SEPTIN9: variants seen among roughly 807,000 people sequenced by gnomAD.
SEPTIN9 encodes septin 9, also known as septin-9.
SEPTIN9 carries 13 observed loss-of-function variants against 56.6 expected under a neutral mutation model. The ratio of observed to expected loss-of-function variants is 0.23; its 90% CI spans 0.15 to 0.37. The LOEUF (loss-of-function observed/expected upper bound fraction) is 0.37, where lower values mean the gene tolerates loss of function less well. SEPTIN9 is among the 10% of genes least tolerant of loss of function. The probability of loss-of-function intolerance (pLI) is 1.00; values close to 1 mark genes in which losing one functional copy is unlikely to be tolerated. For synonymous variants in SEPTIN9, 332 were observed against 334.1 expected (o/e 0.99, Z 0.07); for missense variants, 650 against 823.1 (o/e 0.79, Z 2.57).
chr17:77,420,576 G>C (rs2036663147), intron 3 of SEPTIN9, among the ~76,000 whole-genome samples: 1 of 152,162 alleles, frequency 6.6e-6, no homozygotes, highest in Non-Finnish European at 1.5e-5. Flanking sequence ...AGTGGGGAGA[G>C]CCTGAGCTGT....
chr17:77,379,333 G>C (rs552195318), intron 2 of SEPTIN9, among the ~76,000 whole-genome samples: 28 of 151,990 alleles, frequency 1.8e-4, no homozygotes, highest in African/African-American at 6.8e-4. Context: ...TCACCACGGT[G>C]CCCGGTACAC....
At chr17:77,303,135 C>G (rs754783734) in intron 1 of SEPTIN9, among the ~76,000 whole-genome samples, 6 of 151,914 alleles carry the variant, frequency 3.9e-5, no homozygotes, top group Non-Finnish European at 5.9e-5. Flanking sequence ...GAGTCTTGCT[C>G]TGTCGCCCAG....
intron 2 of SEPTIN9, among the ~76,000 whole-genome samples, chr17:77,361,427 C>T (rs1242579533): frequency 6.6e-6 from 1 of 152,138 alleles, no homozygotes; most frequent in Non-Finnish European, 1.5e-5. Context: ...GTGGGAATCA[C>T]AGAGCTTGCT....
chr17:77,330,701 C>T lies in SEPTIN9; in HGVS notation c.76+23504C>T, dbSNP rs1420290859. 2.0e-5 allele frequency among the ~76,000 whole-genome samples: 3 copies of T among 152,254 alleles called. No individual in the cohort carries two copies. The highest frequency in any genetic ancestry group is 2.9e-5 in the Non-Finnish European group (2 of 68,044). On this transcript the variant is annotated intron_variant, in intron 2 of 11. Transcript: ENST00000427177. The surrounding 1 kb of genome is among the most constrained non-coding windows in gnomAD (Gnocchi z 4.4). ...AGCCTCGCTTGCCTCTCAGAGAGCA[C>T]ATGGCTTGACCATCACGGGGACTGG...
rs554692276 is a variant in SEPTIN9 at position 77,314,167 on chromosome 17, T to C, written c.76+6970T>C. Among the ~76,000 whole-genome samples the C allele has an allele frequency of 1.1e-3, 160 of 148,958 alleles. 1 individual carries two copies. The highest frequency in any genetic ancestry group is 3.8e-3 in the African/African-American group (153 of 40,366). Reference sequence around the variant, plus strand: ...CTGGGCAAAGGGAGTAAGGCCCTGTTTCAAAAAAAAAAATTTTTTTTTTTT... The same window carrying C: ...CTGGGCAAAGGGAGTAAGGCCCTGTCTCAAAAAAAAAAATTTTTTTTTTTT... On this transcript the variant is annotated intron_variant, in intron 2 of 11. Transcript: ENST00000427177.
chr17:77,482,845 G>C, intron 4 of SEPTIN9: 1 of 449,696 alleles, frequency 2.2e-6, no homozygotes, highest in Admixed American at 3.6e-5. Context: ...TCGTCGATCA[G>C]CACGACCTGG....
chr17:77,306,455 G>A (rs1380387798), intron 1 of SEPTIN9, among the ~76,000 whole-genome samples: 1 of 152,242 alleles, frequency 6.6e-6, no homozygotes, highest in Non-Finnish European at 1.5e-5. Flanking sequence ...CTCGAGTTAG[G>A]ACTTGCCTGC....
intron 2 of SEPTIN9, among the ~76,000 whole-genome samples, chr17:77,347,266 T>TA (rs1188584655): frequency 1.3e-5 from 2 of 151,696 alleles, no homozygotes; most frequent in Non-Finnish European, 2.9e-5. Flanking sequence ...TAATCCCAGC[T>TA]ACTCGGGAGG....
rs1288684238 is a variant in SEPTIN9 at position 77,445,268 on chromosome 17, C to T, written c.722-36876C>T. 4.3e-6 allele frequency: 2 copies of T among 469,284 alleles called. No individual in the cohort carries two copies. The highest frequency in any genetic ancestry group is 1.5e-5 in the South Asian group (1 of 64,572). The allele number at this position is 469,284 out of a possible 1,614,324, so 29.1% of individuals were successfully genotyped here. On this transcript the variant is annotated intron_variant, in intron 3 of 11. Transcript: ENST00000427177. The surrounding 1 kb of genome is among the most constrained non-coding windows in gnomAD (Gnocchi z 4.7). ...ACCAGCCCTCAGAACCACATTCCTG[C>T]TCCCCAGCCCTTTCCTCCGCACCCC... is the stretch of plus-strand genomic sequence containing the variant.
rs796781884 is a variant in SEPTIN9 at position 77,450,888 on chromosome 17, C to T, written c.722-31256C>T. 11 of 837,898 alleles carry T rather than the reference C, an allele frequency of 1.3e-5. No homozygotes were observed. The African/African-American group carries it at 1.8e-4, about 14-fold the overall frequency. The allele number at this position is 837,898 out of a possible 1,614,324, so 51.9% of individuals were successfully genotyped here. On this transcript the variant is annotated intron_variant, in intron 3 of 11. Transcript: ENST00000427177. This position sits in a 1 kb window ranked among gnomAD's most constrained non-coding sequence, Gnocchi z 6.0. ...GGGTAGAGGGGACAAACCCAGGTGG[C>T]TGTGTTCCAGCCCTGGCTGCAGGTC... is the stretch of plus-strand genomic sequence containing the variant.
chr17:77,283,160 CTTT>C (rs33965677), intron 1 of SEPTIN9, among the ~76,000 whole-genome samples: 3 of 132,358 alleles, frequency 2.3e-5, no homozygotes, highest in African/African-American at 8.6e-5. Flanking sequence ...CACTGGGTTT[CTTT>C]TTTTTTTTTT....
In SEPTIN9 at chr17:77,488,671, C is replaced by T. The variant is rs1025625387; in HGVS notation, c.1125-56C>T. On this transcript the variant is annotated intron_variant, in intron 6 of 11. Transcript: ENST00000427177. Reference sequence around the variant, plus strand: ...GGCTCTGAGTCCTGGGAATGCACGACCTGCTTGGGGAGGGCATCTCATGTG... The same window carrying T: ...GGCTCTGAGTCCTGGGAATGCACGATCTGCTTGGGGAGGGCATCTCATGTG... 9 of 1,609,396 alleles carry T rather than the reference C, an allele frequency of 5.6e-6. No homozygotes were observed. In the African/African-American group the frequency reaches 1.1e-4, roughly 19 times the overall value.
At chr17:77,351,979 C>G (rs1399750012) in intron 2 of SEPTIN9, among the ~76,000 whole-genome samples, 2 of 152,192 alleles carry the variant, frequency 1.3e-5, no homozygotes, top group Non-Finnish European at 2.9e-5. Context: ...ATCTGGGTGA[C>G]CCTGCAGATG....
At position 77,434,232 on chromosome 17, in the gene SEPTIN9, G is replaced by C. The variant is rs2037257482; in HGVS notation, c.721+31529G>C. On this transcript the variant is annotated intron_variant, in intron 3 of 11. Coordinates refer to ENST00000427177, the MANE Select transcript of SEPTIN9 (RefSeq NM_001113491.2). This position sits in a 1 kb window ranked among gnomAD's most constrained non-coding sequence, Gnocchi z 5.0. ...GCCCTAGGATACGGTGGCAGGACTG[G>C]CTGGGGTTCTGGCTCCAGGCCCAGC... Among the ~76,000 whole-genome samples, 1 of 152,114 alleles carries C rather than the reference G, an allele frequency of 6.6e-6. No individual in the cohort carries two copies. The highest frequency in any genetic ancestry group is 2.4e-5 in the African/African-American group (1 of 41,414).
chr17:77,390,346 TAAAAAAA>T (rs200348069), intron 2 of SEPTIN9, among the ~76,000 whole-genome samples: 11 of 90,334 alleles, frequency 1.2e-4, no homozygotes, highest in South Asian at 4.0e-4. Flanking sequence ...GACTCCGTCT[TAAAAAAA>T]AAAAAAAAAA....
chr17:77,352,789 C>A (rs916043304), intron 2 of SEPTIN9, among the ~76,000 whole-genome samples: 4 of 152,144 alleles, frequency 2.6e-5, no homozygotes, highest in Non-Finnish European at 4.4e-5. Context: ...CTCAGCCTTC[C>A]AAGTAGCTGG....
chr17:77,315,911 G>A (rs539185522), intron 2 of SEPTIN9, among the ~76,000 whole-genome samples: 37 of 152,314 alleles, frequency 2.4e-4, no homozygotes, highest in African/African-American at 8.9e-4. Context: ...CCCACTCCAG[G>A]GTGTGGGCAG....
In SEPTIN9 at chr17:77,437,421, T is replaced by A. The variant is rs1398519094; in HGVS notation, c.721+34718T>A. On this transcript the variant is annotated intron_variant, in intron 3 of 11. Coordinates refer to ENST00000427177, the MANE Select transcript of SEPTIN9 (RefSeq NM_001113491.2). The surrounding 1 kb of genome is among the most constrained non-coding windows in gnomAD (Gnocchi z 5.3). ...CTCAGAGATTGTAAATTCATCTTGC[T>A]GGATGTGTGGCTGCCTTTATGTAAC... is the stretch of plus-strand genomic sequence containing the variant. Among the ~76,000 whole-genome samples the A allele has an allele frequency of 6.6e-6, 1 of 151,794 alleles. No homozygotes were observed. Among genetic ancestry groups the A allele is most frequent in the Non-Finnish European group, 1.5e-5 (1 of 67,992 alleles).
intron 3 of SEPTIN9, among the ~76,000 whole-genome samples, chr17:77,432,695 T>C (rs2037190135): frequency 6.6e-6 from 1 of 152,264 alleles, no homozygotes; most frequent in Non-Finnish European, 1.5e-5. Flanking sequence ...CTGGAAATGG[T>C]GCCTGCGGCA....
Sources: gnomAD v4.1 joint callset for allele counts (sites outside exome capture counted in the v4.1 genomes callset) on GRCh38, gnomAD v4.1.1 for gene constraint, Gnocchi (gnomAD v3.1) non-coding constraint, MANE v1.5 for transcripts, NCBI Gene and HGNC (gene_info 2026-07-23, HGNC 2026-07-21) for gene names.